Variants in TFCP2L1 observed in about 807,000 individuals in gnomAD.
TFCP2L1 encodes transcription factor CP2-like protein 1.
Under a neutral mutation model 72.2 loss-of-function variants are expected in TFCP2L1, and 12 were observed. The observed-to-expected ratio is 0.17, with a 90% CI of 0.11 to 0.27. The LOEUF (loss-of-function observed/expected upper bound fraction) is 0.27. Among genes scored for constraint, TFCP2L1 ranks in the 10% least tolerant of loss-of-function variants. TFCP2L1 has a pLI of 1.00. For synonymous variants in TFCP2L1, 260 were observed against 251.0 expected (o/e 1.04, Z -0.34); for missense variants, 488 against 624.6 (o/e 0.78, Z 2.33).
intron 2 of TFCP2L1, among the ~76,000 whole-genome samples, chr2:121,280,510 C>A (rs1687233445): frequency 6.6e-6 from 1 of 152,190 alleles, no homozygotes; most frequent in Non-Finnish European, 1.5e-5. Flanking sequence ...ATAATCCCAG[C>A]ACTTTGGGAG....
intron 2 of TFCP2L1, among the ~76,000 whole-genome samples, chr2:121,269,218 G>A (rs898680382): frequency 2.0e-5 from 3 of 151,846 alleles, no homozygotes; most frequent in South Asian, 2.1e-4. Context: ...AGGCTGAGGC[G>A]GGGGTGGATG....
At chr2:121,263,487 A>T (rs1686865517) in intron 2 of TFCP2L1, among the ~76,000 whole-genome samples, 1 of 151,646 alleles carries the variant, frequency 6.6e-6, no homozygotes, top group Admixed American at 6.6e-5. Context: ...AAAAAAAAAA[A>T]AAAAAAGGGC....
At position 121,285,125 on chromosome 2, in the gene TFCP2L1, C is replaced by G. The variant is rs781415889; in HGVS notation, c.-16G>C. 27 of 1,486,942 alleles carry G rather than the reference C, an allele frequency of 1.8e-5. No homozygotes were observed. Among genetic ancestry groups the G allele is most frequent in the Middle Eastern group, 1.8e-4 (1 of 5,538 alleles). The allele number at this position is 1,486,942 out of a possible 1,614,324, so 92.1% of individuals were successfully genotyped here. A position where few individuals can be genotyped will look rare whatever the true frequency, so the allele number is the denominator to read the frequency against. On this transcript the variant is annotated 5_prime_UTR_variant, in exon 1 of 15. Transcript: ENST00000263707. ...AGAAGAGCATGGCTGGAACTCCCAG[C>G]GCGCCGACCGGGGCGCGGCAGCAAG...
At chr2:121,249,761 G>C in intron 2 of TFCP2L1, 114 bp from the exon 3 acceptor site, 3 of 1,061,154 alleles carry the variant, frequency 2.8e-6, no homozygotes, top group Non-Finnish European at 4.3e-6. Context: ...CAAGGCCCTG[G>C]GGAGCAAAGC....
chr2:121,233,200 T>C (rs895121962), intron 12 of TFCP2L1, among the ~76,000 whole-genome samples: 10 of 151,866 alleles, frequency 6.6e-5, no homozygotes, highest in African/African-American at 2.4e-4. Flanking sequence ...GCACTTTTCT[T>C]TTTTTTTCCT....
At chr2:121,277,617 T>C (rs1236829088) in intron 2 of TFCP2L1, among the ~76,000 whole-genome samples, 1 of 152,252 alleles carries the variant, frequency 6.6e-6, no homozygotes, top group Non-Finnish European at 1.5e-5. Flanking sequence ...TTCATCATAA[T>C]AGTATTTAAT....
intron 6 of TFCP2L1, 21 bp from the exon 7 acceptor site, chr2:121,242,490 C>A (rs147398907): frequency 1.2e-6 from 2 of 1,611,294 alleles, no homozygotes; most frequent in Admixed American, 1.7e-5. Flanking sequence ...AGTACAGAGT[C>A]CAATCAGCCC....
Position 121,249,555 on chromosome 2 carries a change from A to G in TFCP2L1, c.291+16T>C. On this transcript the variant is annotated intron_variant, in intron 3 of 14. Transcript: ENST00000263707. ...CCCCTCTCCCCGAGGCAATGAGAAC[A>G]GCCTGTGAGGCTTACCTTGACATAT... 6.2e-7 allele frequency: 1 copy of G among 1,613,648 alleles called. No homozygotes were observed. The highest frequency in any genetic ancestry group is 8.5e-7 in the Non-Finnish European group (1 of 1,179,736).
intron 8 of TFCP2L1, 113 bp from the exon 9 acceptor site, chr2:121,237,963 A>G: frequency 8.8e-7 from 1 of 1,132,198 alleles, no homozygotes. Context: ...GATTTGTTCT[A>G]AGTGAAATGA....
At chr2:121,248,333 A>C in intron 4 of TFCP2L1, 63 bp from the exon 5 acceptor site, 2 of 1,370,024 alleles carry the variant, frequency 1.5e-6, no homozygotes, top group South Asian at 2.6e-5. Flanking sequence ...ATTTAGGGAA[A>C]GACCCCTGTT....
chr2:121,246,749 T>C, intron 6 of TFCP2L1, 69 bp downstream of exon 6: 1 of 1,591,826 alleles, frequency 6.3e-7, no homozygotes. Flanking sequence ...CTCCAGGGTC[T>C]CTGTGGGCGA....
chr2:121,226,804 T>C (rs980650448), intron 13 of TFCP2L1, among the ~76,000 whole-genome samples: 14 of 152,216 alleles, frequency 9.2e-5, no homozygotes, highest in Admixed American at 7.9e-4. Context: ...GATGGGGATG[T>C]AAATCTTCCT....
At chr2:121,264,084 C>G (rs183442320) in intron 2 of TFCP2L1, among the ~76,000 whole-genome samples, 5 of 152,342 alleles carry the variant, frequency 3.3e-5, no homozygotes, top group Middle Eastern at 6.8e-3. Context: ...GCCCTGCCAC[C>G]TACATAGGCT....
chr2:121,285,195 C>G lies in TFCP2L1; in HGVS notation c.-86G>C. ...GAGGACCCAGCGGCGGCTTCGCGCT[C>G]CGAACCCGCGGTGCCGGCCGGCTCG... On this transcript the variant is annotated 5_prime_UTR_variant, in exon 1 of 15. Coordinates refer to ENST00000263707, the MANE Select transcript of TFCP2L1 (RefSeq NM_014553.3). 8.3e-7 allele frequency: 1 copy of G among 1,211,002 alleles called. No individual in the cohort carries two copies. Among genetic ancestry groups the G allele is most frequent in the Non-Finnish European group, 1.1e-6 (1 of 946,378 alleles). 75.0% of individuals were successfully genotyped at this position (1,211,002 alleles called of 1,614,324 possible). A position where few individuals can be genotyped will look rare whatever the true frequency, so the allele number is the denominator to read the frequency against.
At chr2:121,280,597 CA>C (rs1313127104) in intron 2 of TFCP2L1, among the ~76,000 whole-genome samples, 5 of 151,700 alleles carry the variant, frequency 3.3e-5, no homozygotes, top group African/African-American at 1.2e-4. Flanking sequence ...CCCAGCTCTA[CA>C]AAAAATTTAA....
At chr2:121,279,121 G>T (rs1031639423) in intron 2 of TFCP2L1, among the ~76,000 whole-genome samples, 4 of 152,138 alleles carry the variant, frequency 2.6e-5, no homozygotes, top group African/African-American at 9.7e-5. Context: ...CTAGGAGCAA[G>T]ACCTCAGACC....
intron 2 of TFCP2L1, among the ~76,000 whole-genome samples, chr2:121,252,727 G>A (rs964809567): frequency 1.3e-5 from 2 of 152,096 alleles, no homozygotes; most frequent in Non-Finnish European, 2.9e-5. Flanking sequence ...CCGAATTTCC[G>A]ACTGCTAATC....
rs921571296 is a variant in TFCP2L1 at position 121,220,162 on chromosome 2, C to T, written c.*4179G>A. ...ACTCAGGCCAGCCCCTGAAGCAATG[C>T]TGGACTTGGAAACTTGTGACCCTGG... On this transcript the variant is annotated 3_prime_UTR_variant, in exon 15 of 15. Coordinates refer to ENST00000263707, the MANE Select transcript of TFCP2L1 (RefSeq NM_014553.3). The T allele has an allele frequency of 6.6e-6, 1 of 152,202 alleles. No individual in the cohort carries two copies. The highest frequency in any genetic ancestry group is 1.9e-4 in the East Asian group (1 of 5,186). 9.4% of individuals were successfully genotyped at this position (152,202 alleles called of 1,614,324 possible).
Position 121,224,090 on chromosome 2 carries a change from G to A in TFCP2L1, c.*251C>T. On this transcript the variant is annotated 3_prime_UTR_variant, in exon 15 of 15. Coordinates refer to ENST00000263707, the MANE Select transcript of TFCP2L1 (RefSeq NM_014553.3). ...TTAGAACGTCAGGGTTGGACCAATAGAAAAGAACAAGGAACCATTCAAAAT... is the reference window on the plus strand; with the variant it reads ...TTAGAACGTCAGGGTTGGACCAATAAAAAAGAACAAGGAACCATTCAAAAT... The A allele has an allele frequency of 1.8e-6, 1 of 567,896 alleles. No homozygotes were observed. The highest frequency in any genetic ancestry group is 3.1e-6 in the Non-Finnish European group (1 of 318,162). 35.2% of individuals were successfully genotyped at this position (567,896 alleles called of 1,614,324 possible).
Sources: gnomAD v4.1 joint callset for allele counts (sites outside exome capture counted in the v4.1 genomes callset) on GRCh38, gnomAD v4.1.1 for gene constraint, MANE v1.5 for transcripts, NCBI Gene and HGNC (gene_info 2026-07-23, HGNC 2026-07-21) for gene names.